ZNF326: variants seen among roughly 807,000 people sequenced by gnomAD.
ZNF326 encodes the protein zinc finger protein 326, also known as DBIRD complex subunit ZNF326.
In ZNF326, 30 loss-of-function variants were observed where a neutral mutation model predicts 63.1. That is an observed-to-expected ratio of 0.48 (90% CI 0.36 to 0.64). The LOEUF (loss-of-function observed/expected upper bound fraction) is 0.64, where lower values mean the gene tolerates loss of function less well. Ranked by LOEUF, ZNF326 falls within the 30% of genes least tolerant of loss-of-function variation. The pLI is 0.00. For missense variants in ZNF326, 609 were observed against 720.3 expected, an observed-to-expected ratio of 0.85 and a Z score of 1.77; for synonymous variants, 194 against 228.2, an observed-to-expected ratio of 0.85 and a Z score of 1.35.
chr1:90,026,751 A>G (rs1324292111), intron 11 of ZNF326, among the ~76,000 whole-genome samples: 1 of 152,204 alleles, frequency 6.6e-6, no homozygotes, highest in Non-Finnish European at 1.5e-5. Context: ...CTTCACTGTT[A>G]CTTCATTTCT....
intron 2 of ZNF326, among the ~76,000 whole-genome samples, chr1:89,999,592 TTTC>T (rs1648569841): frequency 6.6e-6 from 1 of 152,230 alleles, no homozygotes. Context: ...TGGGGAGCTT[TTTC>T]AAAGTCTCTC....
At position 90,032,000 on chromosome 1, in the gene ZNF326, C is replaced by T. The variant is rs532677882; in HGVS notation, c.*4299C>T. ...TGACTTTTTTTGGTAGTTATGGTCC[C>T]TACCCTCAGTGCTGTATCTCTATTT... On this transcript the variant is annotated 3_prime_UTR_variant, in exon 12 of 12. Transcript: ENST00000340281. 1.3e-5 allele frequency: 2 copies of T among 152,264 alleles called. No homozygotes were observed. The highest frequency in any genetic ancestry group is 3.9e-4 in the East Asian group (2 of 5,182). 9.4% of individuals were successfully genotyped at this position (152,264 alleles called of 1,614,324 possible).
rs181377311 is a variant in ZNF326, at chr1:90,026,344, C to G, written c.1402-1010C>G. Among the ~76,000 whole-genome samples the G allele has an allele frequency of 1.5e-3, 230 of 152,242 alleles. 2 individuals are homozygous for G. The highest frequency in any genetic ancestry group is 5.4e-3 in the African/African-American group (225 of 41,564). On this transcript the variant is annotated intron_variant, in intron 11 of 11. Transcript: ENST00000340281. ...CCTTTTTTCTACTTAATCCACCAGT[C>G]CCATCCCAGGGCCTTCCCATTTAAG...
chr1:89,996,019 C>T (rs1009506151), intron 1 of ZNF326, among the ~76,000 whole-genome samples: 3 of 152,170 alleles, frequency 2.0e-5, no homozygotes, highest in Non-Finnish European at 4.4e-5. Context: ...CTGTACACAG[C>T]CTTGTAAGTG....
At chr1:89,998,027 C>A (rs1648480874) in intron 1 of ZNF326, 83 bp from the exon 2 acceptor site, 1 of 1,277,894 alleles carries the variant, frequency 7.8e-7, no homozygotes, top group Non-Finnish European at 1.1e-6. Context: ...AAAAATTGTG[C>A]TTGTTTTTTA....
Position 90,029,631 on chromosome 1 carries a change from G to A in ZNF326, c.*1930G>A, listed in dbSNP as rs555596882. Reference sequence around the variant, plus strand: ...GCTGAGTGATTTTTTTTAAAACAATGTCTCTGGTAGTCTGATTGAGATATG... The same window carrying A: ...GCTGAGTGATTTTTTTTAAAACAATATCTCTGGTAGTCTGATTGAGATATG... On this transcript the variant is annotated 3_prime_UTR_variant, in exon 12 of 12. Coordinates refer to ENST00000340281, the MANE Select transcript of ZNF326 (RefSeq NM_182976.4). 1 of 152,186 alleles carries A rather than the reference G, an allele frequency of 6.6e-6. No individual in the cohort carries two copies. The highest frequency in any genetic ancestry group is 1.9e-4 in the East Asian group (1 of 5,192). The allele number at this position is 152,186 out of a possible 1,614,324, so 9.4% of individuals were successfully genotyped here. A position where few individuals can be genotyped will look rare whatever the true frequency, so the allele number is the denominator to read the frequency against.
intron 8 of ZNF326, among the ~76,000 whole-genome samples, chr1:90,018,056 G>C (rs1649582569): frequency 6.6e-6 from 1 of 152,172 alleles, no homozygotes; most frequent in Non-Finnish European, 1.5e-5. Context: ...CACTTTGGGA[G>C]GCTGAAGCGG....
Position 90,032,393 on chromosome 1 carries a change from T to G in ZNF326, c.*4692T>G. 1 of 152,258 alleles carries G rather than the reference T, an allele frequency of 6.6e-6. No individual in the cohort carries two copies. The highest frequency in any genetic ancestry group is 1.9e-4 in the East Asian group (1 of 5,196). 9.4% of individuals were successfully genotyped at this position (152,258 alleles called of 1,614,324 possible). The stretch of plus-strand genomic sequence containing the variant: ...AGTGTGGAAGGGTACTATGGGTAGC[T>G]TATTTATTAGATCAGTATAAAGTAT... On this transcript the variant is annotated 3_prime_UTR_variant, in exon 12 of 12. Coordinates refer to ENST00000340281, the MANE Select transcript of ZNF326 (RefSeq NM_182976.4).
chr1:90,006,617 A>T (rs1649003096), intron 4 of ZNF326, among the ~76,000 whole-genome samples: 1 of 152,168 alleles, frequency 6.6e-6, no homozygotes, highest in South Asian at 2.1e-4. Flanking sequence ...TATAAGATGT[A>T]TTCTTTCTCA....
At chr1:89,998,048 A>G (rs2101046965) in intron 1 of ZNF326, 62 bp from the exon 2 acceptor site, 6 of 1,462,822 alleles carry the variant, frequency 4.1e-6, no homozygotes, top group East Asian at 2.3e-5. Flanking sequence ...CTGGATCGGC[A>G]TATAATTTTG....
intron 8 of ZNF326, among the ~76,000 whole-genome samples, chr1:90,017,945 G>A (rs1172373697): frequency 6.6e-6 from 1 of 152,182 alleles, no homozygotes; most frequent in African/African-American, 2.4e-5. Flanking sequence ...CTGGACTGTT[G>A]ATTGTACGTA....
rs969160814 is a variant in ZNF326, at chr1:90,032,764, G to A, written c.*5063G>A. ...TAGTTATTCTGGTCTCTGACTCAGA[G>A]CTGCTGGTCCACAGAATTCCTCTAA... On this transcript the variant is annotated 3_prime_UTR_variant, in exon 12 of 12. Transcript: ENST00000340281. 1.3e-5 allele frequency: 2 copies of A among 152,218 alleles called. No individual in the cohort carries two copies. The highest frequency in any genetic ancestry group is 4.8e-5 in the African/African-American group (2 of 41,442). 9.4% of individuals were successfully genotyped at this position (152,218 alleles called of 1,614,324 possible).
chr1:90,013,098 G>A (rs1649331035), intron 6 of ZNF326, 28 bp from the exon 7 acceptor site: 5 of 1,572,844 alleles, frequency 3.2e-6, no homozygotes, highest in Non-Finnish European at 4.3e-6. Context: ...ATGAATTTTA[G>A]CTTTTACTTT....
In ZNF326 at chr1:90,028,798, C is replaced by T. The variant is rs1196800215; in HGVS notation, c.*1097C>T. ...TTTTTTTCAATCTTTACTGTGGCCTCTTTTGAGAGTAGGGTCCGTAGTTTT... is the reference window on the plus strand; with the variant it reads ...TTTTTTTCAATCTTTACTGTGGCCTTTTTTGAGAGTAGGGTCCGTAGTTTT... On this transcript the variant is annotated 3_prime_UTR_variant, in exon 12 of 12. Transcript: ENST00000340281. 1 of 149,650 alleles carries T rather than the reference C, an allele frequency of 6.7e-6. No homozygotes were observed. The highest frequency in any genetic ancestry group is 1.5e-5 in the Non-Finnish European group (1 of 67,498). 9.3% of individuals were successfully genotyped at this position (149,650 alleles called of 1,614,324 possible).
At chr1:90,023,675 A>G (rs1446045318) in intron 11 of ZNF326, among the ~76,000 whole-genome samples, 2 of 152,188 alleles carry the variant, frequency 1.3e-5, no homozygotes, top group East Asian at 3.8e-4. Flanking sequence ...CATTGTCACA[A>G]ACTTCTGAGA....
At chr1:90,000,528 G>A (rs747520273) in intron 2 of ZNF326, among the ~76,000 whole-genome samples, 1 of 152,128 alleles carries the variant, frequency 6.6e-6, no homozygotes, top group Non-Finnish European at 1.5e-5. Context: ...GTGAGACCCT[G>A]TCTCTACAAA....
At chr1:90,005,793 T>G in intron 4 of ZNF326, 4 of 985,208 alleles carry the variant, frequency 4.1e-6, no homozygotes, top group Non-Finnish European at 4.8e-6. Context: ...ATGTTCAGGT[T>G]ATTTATTGAC....
chr1:90,002,949 C>T (rs1238012180), intron 2 of ZNF326, among the ~76,000 whole-genome samples: 1 of 152,028 alleles, frequency 6.6e-6, no homozygotes, highest in African/African-American at 2.4e-5. Context: ...TTTAAAAAAT[C>T]ATATTCAGTG....
rs985239057 is a variant in ZNF326, at chr1:90,027,817, T to C, written c.*116T>C. On this transcript the variant is annotated 3_prime_UTR_variant, in exon 12 of 12. Transcript: ENST00000340281. ...ACCCATGTTGCATGCATTCCACATA[T>C]TAAAATTTGTTTTATATAATTTCTA... 2.2e-6 allele frequency: 2 copies of C among 904,232 alleles called. No individual in the cohort carries two copies. The highest frequency in any genetic ancestry group is 3.3e-6 in the Non-Finnish European group (2 of 607,674). 56.0% of individuals were successfully genotyped at this position (904,232 alleles called of 1,614,324 possible).
Sources: allele counts gnomAD v4.1 joint callset (sites outside exome capture counted in the v4.1 genomes callset), GRCh38; gene constraint gnomAD v4.1.1; transcripts MANE v1.5; gene names NCBI Gene and HGNC (gene_info 2026-07-23, HGNC 2026-07-21).